The following TNKS variants were observed in gnomAD, a reference collection of about 807,000 sequenced individuals.
The protein encoded by TNKS is poly [ADP-ribose] polymerase tankyrase-1.
TNKS carries 72 observed loss-of-function variants against 135.8 expected under a neutral mutation model. The observed-to-expected ratio is 0.53, with a 90% confidence interval of 0.44 to 0.64. The LOEUF (loss-of-function observed/expected upper bound fraction) is 0.64, where lower values mean the gene tolerates loss of function less well. Ranked by LOEUF, TNKS falls within the 30% of genes least tolerant of loss-of-function variation. The pLI is 0.00. For synonymous variants in TNKS, 849 were observed against 649.3 expected (o/e 1.31, Z -4.68); for missense variants, 1,769 against 1,674.0 (o/e 1.06, Z -0.99).
At chr8:9,749,867 A>G (rs1275318233) in intron 18 of TNKS, among the ~76,000 whole-genome samples, 2 of 152,122 alleles carry the variant, frequency 1.3e-5, no homozygotes, top group East Asian at 1.9e-4. Flanking sequence ...GGCTTTCTCA[A>G]CCTGTTCCCT....
chr8:9,749,401 AT>A (rs1806401766), intron 18 of TNKS, among the ~76,000 whole-genome samples: 1 of 151,604 alleles, frequency 6.6e-6, no homozygotes, highest in African/African-American at 2.4e-5. Flanking sequence ...ATGATCCCTG[AT>A]TAGGGCCCAG....
At position 9,740,705 on chromosome 8, in the gene TNKS, T is replaced by A. The variant is rs575713842; in HGVS notation, c.2643+5219T>A. On this transcript the variant is annotated intron_variant, in intron 17 of 26. Coordinates refer to ENST00000310430, the MANE Select transcript of TNKS (RefSeq NM_003747.3). ...TCTTTTATTAAAATTCGTAGAAATTTTAACCTTCCTTCACATAAGGTTCTC... is the reference window on the plus strand; with the variant it reads ...TCTTTTATTAAAATTCGTAGAAATTATAACCTTCCTTCACATAAGGTTCTC... Among the ~76,000 whole-genome samples the A allele has an allele frequency of 2.6e-5, 4 of 152,288 alleles. No individual in the cohort carries two copies. In the South Asian group the frequency reaches 8.3e-4, roughly 32 times the overall value.
chr8:9,775,602 A>T (rs1299190857), intron 26 of TNKS, among the ~76,000 whole-genome samples: 1 of 150,124 alleles, frequency 6.7e-6, no homozygotes, highest in African/African-American at 2.4e-5. Context: ...TACTAATAAA[A>T]ATAATAACAA....
chr8:9,582,787 G>A (rs1216108762), intron 2 of TNKS, among the ~76,000 whole-genome samples: 1 of 152,060 alleles, frequency 6.6e-6, no homozygotes, highest in Admixed American at 6.6e-5. Flanking sequence ...ATTATTGTTG[G>A]TGCTAAAATC....
intron 1 of TNKS, among the ~76,000 whole-genome samples, chr8:9,569,532 GTT>G (rs1459246999): frequency 1.2e-4 from 19 of 152,218 alleles, no homozygotes; most frequent in East Asian, 7.7e-4. Flanking sequence ...CATTTTCATT[GTT>G]TGTATAATTC....
intron 5 of TNKS, among the ~76,000 whole-genome samples, chr8:9,692,903 A>G (rs753019178): frequency 1.3e-5 from 2 of 152,188 alleles, no homozygotes; most frequent in African/African-American, 4.8e-5. Context: ...CCATGGACTC[A>G]TGCCTATATC....
At chr8:9,730,028 G>T (rs1033813981) in intron 13 of TNKS, among the ~76,000 whole-genome samples, 1 of 152,020 alleles carries the variant, frequency 6.6e-6, no homozygotes, top group Non-Finnish European at 1.5e-5. Context: ...GCCTGCCTTG[G>T]CCTCCCAAAG....
intron 1 of TNKS, chr8:9,558,084 G>A (rs1797158140): frequency 6.6e-6 from 1 of 152,148 alleles, no homozygotes; most frequent in African/African-American, 2.4e-5. Context: ...CCCATACTTA[G>A]AAATACATTT....
chr8:9,556,823 C>T (rs770103867), intron 1 of TNKS: 14 of 594,694 alleles, frequency 2.4e-5, no homozygotes, highest in Admixed American at 5.9e-5. Flanking sequence ...AGGAATTCTT[C>T]AGTGGTTGCA....
intron 20 of TNKS, among the ~76,000 whole-genome samples, chr8:9,757,709 C>G (rs1806917574): frequency 6.6e-6 from 1 of 152,188 alleles, no homozygotes; most frequent in African/African-American, 2.4e-5. Flanking sequence ...CTTTGGTTAG[C>G]ACTCTGTTTC....
At chr8:9,558,116 G>A (rs1797159488) in intron 1 of TNKS, 1 of 152,120 alleles carries the variant, frequency 6.6e-6, no homozygotes, top group Non-Finnish European at 1.5e-5. Context: ...ATACGCAACT[G>A]AATCAAAAGT....
chr8:9,613,254 T>C (rs1223771986), intron 2 of TNKS, among the ~76,000 whole-genome samples: 1 of 152,206 alleles, frequency 6.6e-6, no homozygotes, highest in Non-Finnish European at 1.5e-5. Context: ...ATGGAATTAG[T>C]CGTCACTGGT....
intron 3 of TNKS, among the ~76,000 whole-genome samples, chr8:9,673,718 C>T (rs963752640): frequency 5.3e-5 from 8 of 152,084 alleles, no homozygotes; most frequent in Non-Finnish European, 8.8e-5. Context: ...GCTGGGATTA[C>T]AGGTGTGAGC....
At chr8:9,698,659 C>T (rs996222657) in intron 5 of TNKS, among the ~76,000 whole-genome samples, 3 of 152,172 alleles carry the variant, frequency 2.0e-5, no homozygotes, top group Non-Finnish European at 4.4e-5. Context: ...TTCATTTTTG[C>T]ATGCCATGCT....
chr8:9,618,869 A>C (rs2128766792), intron 3 of TNKS, among the ~76,000 whole-genome samples: 1 of 152,340 alleles, frequency 6.6e-6, no homozygotes, highest in Non-Finnish European at 1.5e-5. Context: ...TAATCAAATC[A>C]GCCTAATGTG....
chr8:9,648,599 A>C (rs1001968682), intron 3 of TNKS, among the ~76,000 whole-genome samples: 3 of 152,310 alleles, frequency 2.0e-5, no homozygotes, highest in Middle Eastern at 3.4e-3. Flanking sequence ...TTGTATGTGC[A>C]ATACTTTTAT....
chr8:9,746,645 A>C (rs940265500), intron 17 of TNKS, among the ~76,000 whole-genome samples: 1 of 152,002 alleles, frequency 6.6e-6, no homozygotes, highest in Admixed American at 6.5e-5. Context: ...TTAATCCCCT[A>C]TTCCATTTCG....
At chr8:9,710,553 G>T in intron 11 of TNKS, 1 of 466,760 alleles carries the variant, frequency 2.1e-6, no homozygotes, top group South Asian at 4.8e-5. Flanking sequence ...CAGTTTATCA[G>T]AAAATAAATT....
chr8:9,670,633 G>T (rs1206958071), intron 3 of TNKS: 1 of 152,144 alleles, frequency 6.6e-6, no homozygotes, highest in Non-Finnish European at 1.5e-5. Flanking sequence ...CCACTTCTTA[G>T]AGGGTAGATT....
Sources: allele counts gnomAD v4.1 joint callset (sites outside exome capture counted in the v4.1 genomes callset), GRCh38; gene constraint gnomAD v4.1.1; transcripts MANE v1.5; gene names NCBI Gene and HGNC (gene_info 2026-07-23, HGNC 2026-07-21).